ZNF385D: variants seen among roughly 807,000 people sequenced by gnomAD.
ZNF385D encodes the protein zinc finger protein 385D, also known as zinc finger protein 659.
Under a neutral mutation model 35.8 loss-of-function variants are expected in ZNF385D, and 15 were observed. That is an observed-to-expected ratio of 0.42 (90% CI 0.28 to 0.64). The LOEUF is 0.64. Ranked by LOEUF, ZNF385D falls within the 30% of genes least tolerant of loss-of-function variation. The probability of loss-of-function intolerance (pLI) is 0.23; values close to 1 mark genes in which losing one functional copy is unlikely to be tolerated. For missense variants in ZNF385D, 474 were observed against 494.6 expected (o/e 0.96, Z 0.39); for synonymous variants, 212 against 186.8 (o/e 1.13, Z -1.10).
intron 3 of ZNF385D, among the ~76,000 whole-genome samples, chr3:21,952,199 T>C (rs1388576349): frequency 6.6e-6 from 1 of 152,022 alleles, no homozygotes; most frequent in Non-Finnish European, 1.5e-5. Context: ...AAATCCTGAA[T>C]TGACCCCTCA....
At chr3:21,952,263 A>G (rs1702100834) in intron 3 of ZNF385D, among the ~76,000 whole-genome samples, 1 of 151,912 alleles carries the variant, frequency 6.6e-6, no homozygotes, top group African/African-American at 2.4e-5. Context: ...TGGCATCTCC[A>G]CTACTTTTAT....
At chr3:21,973,997 C>G (rs570487703) in intron 3 of ZNF385D, among the ~76,000 whole-genome samples, 11 of 151,932 alleles carry the variant, frequency 7.2e-5, no homozygotes, top group Admixed American at 3.9e-4. Flanking sequence ...ATATATTGCT[C>G]AAAGCAATCT....
At chr3:22,024,660 TAG>T (rs995388647) in intron 3 of ZNF385D, among the ~76,000 whole-genome samples, 1 of 152,148 alleles carries the variant, frequency 6.6e-6, no homozygotes, top group African/African-American at 2.4e-5. Context: ...ATGAACTGTT[TAG>T]AGAGTTATGC....
At chr3:22,153,765 G>A (rs1378205735) in intron 3 of ZNF385D, among the ~76,000 whole-genome samples, 1 of 151,990 alleles carries the variant, frequency 6.6e-6, no homozygotes, top group East Asian at 1.9e-4. Context: ...CAGATTTTTA[G>A]CAACGGACTC....
chr3:22,264,588 C>T (rs532250543), intron 2 of ZNF385D, among the ~76,000 whole-genome samples: 38 of 152,008 alleles, frequency 2.5e-4, no homozygotes, highest in African/African-American at 7.9e-4. Flanking sequence ...CACTTCCTTG[C>T]TTCATTTACA....
intron 4 of ZNF385D, among the ~76,000 whole-genome samples, chr3:21,475,264 T>C (rs1704158349): frequency 1.3e-5 from 2 of 152,200 alleles, no homozygotes; most frequent in Admixed American, 1.3e-4. Flanking sequence ...ACCTAATAAT[T>C]ATACTGGGAA....
intron 3 of ZNF385D, among the ~76,000 whole-genome samples, chr3:21,903,410 A>C (rs994472790): frequency 1.3e-5 from 2 of 152,100 alleles, no homozygotes; most frequent in Non-Finnish European, 2.9e-5. Context: ...TCACATTCAC[A>C]CCTGTACTCT....
intron 3 of ZNF385D, among the ~76,000 whole-genome samples, chr3:22,004,597 C>G (rs974274442): frequency 6.6e-6 from 1 of 152,144 alleles, no homozygotes; most frequent in Non-Finnish European, 1.5e-5. Context: ...GCCTCCCATT[C>G]TATTCCTAGA....
chr3:22,121,617 T>C (rs62246432), intron 3 of ZNF385D, among the ~76,000 whole-genome samples: 25,072 of 151,494 alleles, frequency 0.17, 2,664 homozygotes, highest in Middle Eastern at 0.26. Context: ...TCATACCTAC[T>C]GGTCCTCATG....
At chr3:21,505,666 C>T (rs1299472158) in intron 4 of ZNF385D, among the ~76,000 whole-genome samples, 5 of 152,112 alleles carry the variant, frequency 3.3e-5, no homozygotes. Flanking sequence ...GTAACTTTCT[C>T]TTAATAAGAG....
chr3:22,259,512 C>T (rs374881538), intron 2 of ZNF385D, among the ~76,000 whole-genome samples: 3 of 151,984 alleles, frequency 2.0e-5, no homozygotes, highest in Non-Finnish European at 4.4e-5. Flanking sequence ...AACACTCATA[C>T]AGCACCTTTC....
chr3:22,303,663 G>C (rs1465143146), intron 2 of ZNF385D, among the ~76,000 whole-genome samples: 1 of 152,080 alleles, frequency 6.6e-6, no homozygotes, highest in Non-Finnish European at 1.5e-5. Flanking sequence ...CCGGTGATTT[G>C]ACTTTTTATG....
intron 3 of ZNF385D, among the ~76,000 whole-genome samples, chr3:21,996,007 T>C (rs1695443232): frequency 6.6e-6 from 1 of 152,026 alleles, no homozygotes; most frequent in South Asian, 2.1e-4. Context: ...CTGCAGCCCT[T>C]TGGGTGGACA....
chr3:21,790,644 G>T (rs557479788), intron 3 of ZNF385D, among the ~76,000 whole-genome samples: 1 of 152,246 alleles, frequency 6.6e-6, no homozygotes, highest in African/African-American at 2.4e-5. Context: ...TACATTTGCA[G>T]ATGGACTTCA....
chr3:21,583,108 A>G (rs2063714062), intron 2 of ZNF385D, among the ~76,000 whole-genome samples: 1 of 152,034 alleles, frequency 6.6e-6, no homozygotes, highest in African/African-American at 2.4e-5. Context: ...CATATATACA[A>G]TTTTTCGAAA....
intron 3 of ZNF385D, among the ~76,000 whole-genome samples, chr3:21,856,604 C>A (rs142052068): frequency 6.6e-6 from 1 of 151,794 alleles, no homozygotes; most frequent in East Asian, 1.9e-4. Flanking sequence ...AGTAGGAATT[C>A]TGTTGGGTCC....
At chr3:22,297,108 C>T (rs560754185) in intron 2 of ZNF385D, among the ~76,000 whole-genome samples, 1 of 152,116 alleles carries the variant, frequency 6.6e-6, no homozygotes, top group African/African-American at 2.4e-5. Flanking sequence ...ATTGTATTCT[C>T]CTATCTTGAA....
At chr3:21,550,043 G>A (rs1004078397) in intron 3 of ZNF385D, among the ~76,000 whole-genome samples, 2 of 152,270 alleles carry the variant, frequency 1.3e-5, no homozygotes, top group East Asian at 3.9e-4. Context: ...ACTAGACCAC[G>A]AGGGACCATC....
chr3:21,899,457 A>G (rs1047569379), intron 3 of ZNF385D, among the ~76,000 whole-genome samples: 1 of 152,138 alleles, frequency 6.6e-6, no homozygotes, highest in African/African-American at 2.4e-5. Context: ...ACTGGTCCCC[A>G]TTCCCAGACA....
Sources: gnomAD v4.1 joint callset for allele counts (sites outside exome capture counted in the v4.1 genomes callset) on GRCh38, gnomAD v4.1.1 for gene constraint, MANE v1.5 for transcripts, NCBI Gene and HGNC (gene_info 2026-07-23, HGNC 2026-07-21) for gene names.